The following TCF12 variants were observed in gnomAD, a reference collection of about 807,000 sequenced individuals.
TCF12 encodes the protein DNA-binding protein HTF4.
In TCF12, 45 loss-of-function variants were observed where a neutral mutation model predicts 86.0. The ratio of observed to expected loss-of-function variants is 0.52; its 90% CI spans 0.41 to 0.67. The LOEUF (loss-of-function observed/expected upper bound fraction) is 0.67, where lower values mean the gene tolerates loss of function less well. TCF12 is among the 30% of genes least tolerant of loss of function. The pLI is 0.00. For synonymous variants in TCF12, 330 were observed against 299.6 expected (o/e 1.10, Z -1.05); for missense variants, 881 against 859.9 (o/e 1.02, Z -0.31).
At chr15:56,970,806 T>G (rs937713743) in intron 3 of TCF12, among the ~76,000 whole-genome samples, 1 of 152,034 alleles carries the variant, frequency 6.6e-6, no homozygotes, top group Non-Finnish European at 1.5e-5. Flanking sequence ...TCTCAGCGCT[T>G]TGGGAACCTG....
chr15:57,046,164 T>G (rs557419120), intron 3 of TCF12, among the ~76,000 whole-genome samples: 4 of 152,362 alleles, frequency 2.6e-5, no homozygotes, highest in African/African-American at 9.6e-5. Flanking sequence ...AGCCTCACTC[T>G]TGAGTTATGT....
intron 12 of TCF12, among the ~76,000 whole-genome samples, chr15:57,240,339 A>G (rs888481412): frequency 2.0e-5 from 3 of 152,216 alleles, no homozygotes; most frequent in Admixed American, 6.5e-5. Context: ...ATACAGTGTA[A>G]GCACTATGAA....
chr15:57,237,504 G>C (rs1405929253), intron 12 of TCF12, among the ~76,000 whole-genome samples: 4 of 152,120 alleles, frequency 2.6e-5, no homozygotes, highest in Non-Finnish European at 5.9e-5. Context: ...AGTAAAATGA[G>C]GCATATTACC....
intron 5 of TCF12, among the ~76,000 whole-genome samples, chr15:57,132,380 ATAAT>A (rs1253081216): frequency 5.3e-5 from 8 of 152,350 alleles, no homozygotes; most frequent in Non-Finnish European, 1.0e-4. Context: ...GAAATGTGAA[ATAAT>A]TAGATTTTCT....
At chr15:57,260,337 A>G (rs1300921070) in intron 16 of TCF12, among the ~76,000 whole-genome samples, 1 of 152,244 alleles carries the variant, frequency 6.6e-6, no homozygotes, top group Non-Finnish European at 1.5e-5. Context: ...AAAGGAAATC[A>G]GAATTCAGCA....
chr15:57,214,994 A>T (rs991010289), intron 8 of TCF12, among the ~76,000 whole-genome samples: 2 of 152,194 alleles, frequency 1.3e-5, no homozygotes, highest in African/African-American at 4.8e-5. Flanking sequence ...AATAATATGC[A>T]TTGAATGCTA....
At chr15:56,982,903 G>A (rs2062963764) in intron 3 of TCF12, among the ~76,000 whole-genome samples, 1 of 152,176 alleles carries the variant, frequency 6.6e-6, no homozygotes, top group Admixed American at 6.5e-5. Flanking sequence ...AGTAGCATCA[G>A]AGTAGGTAGT....
chr15:57,142,798 C>T (rs1380883160), intron 5 of TCF12, among the ~76,000 whole-genome samples: 2 of 152,080 alleles, frequency 1.3e-5, no homozygotes, highest in Non-Finnish European at 2.9e-5. Context: ...TAACAGAGTG[C>T]ATTGAGAACA....
chr15:57,231,374 GGCTAAATTAAAATTTA>G (rs2059132696), intron 9 of TCF12, 117 bp downstream of exon 9: 18 of 717,572 alleles, frequency 2.5e-5, no homozygotes, highest in Non-Finnish European at 3.9e-5. Context: ...CATTTTTTTT[GGCTAAATTAAAATTTA>G]GCTTTATAAT....
chr15:57,216,418 G>A (rs1410444379), intron 8 of TCF12, among the ~76,000 whole-genome samples: 2 of 152,056 alleles, frequency 1.3e-5, no homozygotes, highest in East Asian at 1.9e-4. Context: ...GTTGTGGGTG[G>A]AAACAATTCT....
At chr15:57,006,672 TTTGGGAA>T (rs1380669256) in intron 3 of TCF12, among the ~76,000 whole-genome samples, 1 of 152,026 alleles carries the variant, frequency 6.6e-6, no homozygotes, top group Non-Finnish European at 1.5e-5. Context: ...ATCCCAGCAC[TTTGGGAA>T]GCTGAGGAGG....
At position 57,061,117 on chromosome 15, in the gene TCF12, A is replaced by G. The variant is rs1017030188; in HGVS notation, c.149-2633A>G. The stretch of plus-strand genomic sequence containing the variant: ...TCTTTAGCTGGTGATGCCATCACCC[A>G]ATTAATTACCATTTTATTTCATTAG... On this transcript the variant is annotated intron_variant, in intron 3 of 20. Transcript: ENST00000333725. 2.0e-5 allele frequency among the ~76,000 whole-genome samples: 3 copies of G among 152,216 alleles called. No homozygotes were observed. The South Asian group carries it at 6.2e-4, about 32-fold the overall frequency.
chr15:56,922,813 T>G (rs2059849217), intron 3 of TCF12, among the ~76,000 whole-genome samples: 2 of 151,988 alleles, frequency 1.3e-5, no homozygotes, highest in Non-Finnish European at 2.9e-5. Flanking sequence ...GCCATGTGAT[T>G]TTTTTTCAAA....
intron 3 of TCF12, among the ~76,000 whole-genome samples, chr15:56,966,365 C>T (rs531976922): frequency 3.9e-5 from 6 of 152,216 alleles, no homozygotes; most frequent in African/African-American, 7.2e-5. Flanking sequence ...TGGCAAAAAC[C>T]GCAGTTACTT....
intron 16 of TCF12, among the ~76,000 whole-genome samples, chr15:57,255,947 A>C (rs1216323648): frequency 6.6e-6 from 1 of 152,200 alleles, no homozygotes; most frequent in African/African-American, 2.4e-5. Context: ...TTCAGTCCTT[A>C]TCACCTTCTC....
intron 5 of TCF12, among the ~76,000 whole-genome samples, chr15:57,106,175 TA>T (rs1432705415): frequency 1.4e-4 from 22 of 152,238 alleles, no homozygotes; most frequent in Non-Finnish European, 2.5e-4. Context: ...GATACATATC[TA>T]AATGCAATGT....
intron 6 of TCF12, among the ~76,000 whole-genome samples, chr15:57,172,393 A>G (rs1284140276): frequency 3.9e-5 from 6 of 152,248 alleles, no homozygotes; most frequent in Non-Finnish European, 8.8e-5. Context: ...ACCTTGACCT[A>G]AATGATATGT....
At chr15:56,941,714 T>C (rs1479612429) in intron 3 of TCF12, among the ~76,000 whole-genome samples, 1 of 151,480 alleles carries the variant, frequency 6.6e-6, no homozygotes, top group Non-Finnish European at 1.5e-5. Context: ...GGAATTGAGT[T>C]GACTGCTCTG....
chr15:57,180,954 A>G (rs1398219720), intron 6 of TCF12, among the ~76,000 whole-genome samples: 3 of 151,482 alleles, frequency 2.0e-5, no homozygotes, highest in East Asian at 1.9e-4. Flanking sequence ...GGCTGGGACT[A>G]CAGGCACCCG....
Sources: allele counts gnomAD v4.1 joint callset (sites outside exome capture counted in the v4.1 genomes callset), GRCh38; gene constraint gnomAD v4.1.1; transcripts MANE v1.5; gene names NCBI Gene and HGNC (gene_info 2026-07-23, HGNC 2026-07-21).